Variants in CHSY3 observed in about 807,000 individuals in gnomAD.
CHSY3 encodes chondroitin sulfate synthase 3.
Under a neutral mutation model 67.2 loss-of-function variants are expected in CHSY3, and 35 were observed. The observed-to-expected ratio is 0.52, with a 90% confidence interval of 0.40 to 0.69. CHSY3 has a LOEUF of 0.69. CHSY3 is among the 30% of genes least tolerant of loss of function. The pLI is 0.00. For missense variants in CHSY3, 1,069 were observed against 1,138.5 expected (o/e 0.94, Z 0.88); for synonymous variants, 474 against 434.7 (o/e 1.09, Z -1.12).
At chr5:130,026,967 T>C (rs1382806401) in intron 2 of CHSY3, among the ~76,000 whole-genome samples, 1 of 152,142 alleles carries the variant, frequency 6.6e-6, no homozygotes, top group East Asian at 1.9e-4. Context: ...GGGAGTGGGA[T>C]GCCTAGTGCT....
intron 2 of CHSY3, among the ~76,000 whole-genome samples, chr5:129,928,333 C>G (rs745549900): frequency 6.6e-6 from 1 of 151,890 alleles, no homozygotes; most frequent in African/African-American, 2.4e-5. Flanking sequence ...TAATCTAGAA[C>G]TGTATCTAAT....
chr5:129,908,389 C>A, intron 2 of CHSY3, 29 bp downstream of exon 2: 2 of 1,609,710 alleles, frequency 1.2e-6, no homozygotes, highest in South Asian at 2.2e-5. Flanking sequence ...TGAAAATGTT[C>A]ACATAGTACA....
intron 2 of CHSY3, among the ~76,000 whole-genome samples, chr5:130,081,899 T>C (rs995364949): frequency 6.6e-6 from 1 of 152,164 alleles, no homozygotes; most frequent in Admixed American, 6.6e-5. Context: ...ATATATTTTT[T>C]CCTTTCTTTT....
At chr5:129,949,248 G>A (rs1312540055) in intron 2 of CHSY3, among the ~76,000 whole-genome samples, 1 of 152,052 alleles carries the variant, frequency 6.6e-6, no homozygotes, top group African/African-American at 2.4e-5. Context: ...GAGAGAGAAA[G>A]TCAACAAAGA....
Position 130,021,052 on chromosome 5 carries a change from A to G in CHSY3, c.1086+112692A>G, listed in dbSNP as rs761611619. Among the ~76,000 whole-genome samples the G allele has an allele frequency of 3.9e-5, 6 of 152,180 alleles. No individual in the cohort carries two copies. The South Asian group carries it at 1.2e-3, about 32-fold the overall frequency. Reference sequence around the variant, plus strand: ...AAATGGGTGAAAGACATCTGCCAAGATGGTAAAAATTGGAGATGGGACCTC... The same window carrying G: ...AAATGGGTGAAAGACATCTGCCAAGGTGGTAAAAATTGGAGATGGGACCTC... On this transcript the variant is annotated intron_variant, in intron 2 of 2. Transcript: ENST00000305031.
At chr5:130,024,202 G>C (rs1298576862) in intron 2 of CHSY3, among the ~76,000 whole-genome samples, 1 of 144,498 alleles carries the variant, frequency 6.9e-6, no homozygotes, top group African/African-American at 2.6e-5. Context: ...TTTTGTAATT[G>C]TGTAACCCCC....
chr5:130,124,859 G>T (rs534486870), intron 2 of CHSY3, among the ~76,000 whole-genome samples: 1 of 152,170 alleles, frequency 6.6e-6, no homozygotes. Context: ...AATAAAAAAA[G>T]AGTTAAAAAA....
chr5:130,001,896 G>A (rs533358422), intron 2 of CHSY3: 34 of 920,560 alleles, frequency 3.7e-5, no homozygotes, highest in Non-Finnish European at 4.4e-5. Flanking sequence ...AATGGTGGAA[G>A]CTGAAACAGT....
chr5:130,120,060 T>C (rs911718016), intron 2 of CHSY3, among the ~76,000 whole-genome samples: 2 of 152,164 alleles, frequency 1.3e-5, no homozygotes, highest in Non-Finnish European at 2.9e-5. Context: ...AAAGCATAAA[T>C]TAAACTATCA....
At chr5:129,958,434 G>T (rs534245390) in intron 2 of CHSY3, among the ~76,000 whole-genome samples, 2 of 152,118 alleles carry the variant, frequency 1.3e-5, no homozygotes, top group Non-Finnish European at 2.9e-5. Flanking sequence ...CATTGGGTGC[G>T]CAGGGAAGCT....
chr5:129,927,187 ATTTC>A (rs1334601811), intron 2 of CHSY3, among the ~76,000 whole-genome samples: 3 of 151,724 alleles, frequency 2.0e-5, no homozygotes, highest in Non-Finnish European at 4.4e-5. Context: ...TGCCTCTAAT[ATTTC>A]TTTGTTTTCT....
At chr5:130,093,778 A>T (rs993733786) in intron 2 of CHSY3, among the ~76,000 whole-genome samples, 4 of 151,950 alleles carry the variant, frequency 2.6e-5, no homozygotes, top group Non-Finnish European at 4.4e-5. Context: ...TCATCCTTTA[A>T]TTTTTTTAGC....
At chr5:130,017,214 T>C (rs1249306386) in intron 2 of CHSY3, among the ~76,000 whole-genome samples, 1 of 152,180 alleles carries the variant, frequency 6.6e-6, no homozygotes, top group African/African-American at 2.4e-5. Context: ...TATTTTATAT[T>C]CATGCTATGC....
At chr5:130,061,787 A>T (rs1765720946) in intron 2 of CHSY3, among the ~76,000 whole-genome samples, 1 of 152,140 alleles carries the variant, frequency 6.6e-6, no homozygotes, top group Non-Finnish European at 1.5e-5. Context: ...GTAGACAAAA[A>T]ACACATGAGA....
At chr5:129,969,483 C>T (rs77184146) in intron 2 of CHSY3, among the ~76,000 whole-genome samples, 1 of 151,916 alleles carries the variant, frequency 6.6e-6, no homozygotes, top group African/African-American at 2.4e-5. Context: ...ATGCTAAACA[C>T]ATTTTCTTGC....
In CHSY3 at chr5:129,967,615, T is replaced by C. The variant is rs527551915; in HGVS notation, c.1086+59255T>C. Among the ~76,000 whole-genome samples the C allele has an allele frequency of 1.6e-3, 239 of 151,976 alleles. 1 individual carries two copies. The highest frequency in any genetic ancestry group is 5.6e-3 in the African/African-American group (233 of 41,528). On this transcript the variant is annotated intron_variant, in intron 2 of 2. Coordinates refer to ENST00000305031, the MANE Select transcript of CHSY3 (RefSeq NM_175856.5). Reference sequence around the variant, plus strand: ...AAAGGATATTGACTTTCATTAAGACTGAATTGCAGTACAGACCTTTAAGCC... The same window carrying C: ...AAAGGATATTGACTTTCATTAAGACCGAATTGCAGTACAGACCTTTAAGCC...
chr5:130,154,328 T>C (rs1262299492), intron 2 of CHSY3, among the ~76,000 whole-genome samples: 2 of 152,244 alleles, frequency 1.3e-5, no homozygotes, highest in Non-Finnish European at 2.9e-5. Context: ...TTAATCTCCT[T>C]CAACTCTTTG....
chr5:130,036,507 A>G (rs983246919), intron 2 of CHSY3, among the ~76,000 whole-genome samples: 4 of 152,086 alleles, frequency 2.6e-5, no homozygotes, highest in Non-Finnish European at 4.4e-5. Flanking sequence ...GGATTTGTTC[A>G]TTGCTTAAAT....
intron 2 of CHSY3, among the ~76,000 whole-genome samples, chr5:130,128,977 C>T (rs1768392624): frequency 6.7e-6 from 1 of 150,066 alleles, no homozygotes; most frequent in Non-Finnish European, 1.5e-5. Flanking sequence ...AGAGAATGCT[C>T]AATGTTATGG....
Sources: allele counts gnomAD v4.1 joint callset (sites outside exome capture counted in the v4.1 genomes callset), GRCh38; gene constraint gnomAD v4.1.1; transcripts MANE v1.5; gene names NCBI Gene and HGNC (gene_info 2026-07-23, HGNC 2026-07-21).